The following NRXN1 variants were observed in gnomAD, a reference collection of about 807,000 sequenced individuals.
The protein encoded by NRXN1 is neurexin 1.
NRXN1 carries 39 observed loss-of-function variants against 150.9 expected under a neutral mutation model. The ratio of observed to expected loss-of-function variants is 0.26; its 90% CI spans 0.20 to 0.34. NRXN1 has a LOEUF of 0.34. NRXN1 is among the 10% of genes least tolerant of loss of function. NRXN1 has a pLI of 1.00. For synonymous variants in NRXN1, 924 were observed against 757.0 expected (o/e 1.22, Z -3.62); for missense variants, 1,815 against 1,949.9 (o/e 0.93, Z 1.30).
intron 17 of NRXN1, among the ~76,000 whole-genome samples, chr2:50,453,899 CA>C (rs1255478030): frequency 6.6e-6 from 1 of 152,118 alleles, no homozygotes; most frequent in Non-Finnish European, 1.5e-5. Flanking sequence ...TAAAAAAGAT[CA>C]AATAAGTATT....
chr2:51,029,507 T>C (rs537673558), intron 1 of NRXN1, among the ~76,000 whole-genome samples: 2 of 152,360 alleles, frequency 1.3e-5, no homozygotes, highest in African/African-American at 4.8e-5. Context: ...TTTTAAAATA[T>C]GTGAGGGGAG....
chr2:50,407,636 G>A (rs1469891463), intron 17 of NRXN1, among the ~76,000 whole-genome samples: 1 of 152,014 alleles, frequency 6.6e-6, no homozygotes, highest in Admixed American at 6.6e-5. Context: ...TCATGGGAGT[G>A]GGGGTGGTAG....
chr2:50,082,305 GT>G (rs971748764), intron 19 of NRXN1, among the ~76,000 whole-genome samples: 3 of 152,154 alleles, frequency 2.0e-5, no homozygotes, highest in African/African-American at 7.2e-5. Context: ...GCTATTCTCT[GT>G]TTAACGTGAC....
intron 2 of NRXN1, among the ~76,000 whole-genome samples, chr2:51,010,108 A>G (rs1667610495): frequency 6.6e-6 from 1 of 151,980 alleles, no homozygotes; most frequent in Non-Finnish European, 1.5e-5. Context: ...GGAAAGTCAT[A>G]TAATGGGTCT....
At chr2:50,597,226 G>C (rs1675391389) in intron 8 of NRXN1, among the ~76,000 whole-genome samples, 3 of 152,020 alleles carry the variant, frequency 2.0e-5, no homozygotes, top group South Asian at 2.1e-4. Flanking sequence ...CTTTAGTTGG[G>C]TCTCTGTTAT....
chr2:50,939,501 G>T (rs1471116991), intron 2 of NRXN1, among the ~76,000 whole-genome samples: 1 of 151,706 alleles, frequency 6.6e-6, no homozygotes, highest in Non-Finnish European at 1.5e-5. Flanking sequence ...TATTGGATAG[G>T]ATGCAAATAT....
At chr2:49,986,303 G>A (rs1419125893) in intron 21 of NRXN1, among the ~76,000 whole-genome samples, 3 of 152,072 alleles carry the variant, frequency 2.0e-5, no homozygotes, top group African/African-American at 7.2e-5. Context: ...TACATATGTG[G>A]ATATTTACTC....
chr2:50,363,154 G>A (rs2079343313), intron 17 of NRXN1, among the ~76,000 whole-genome samples: 1 of 152,076 alleles, frequency 6.6e-6, no homozygotes. Flanking sequence ...GAAAACCTAG[G>A]CAATAACATT....
intron 21 of NRXN1, among the ~76,000 whole-genome samples, chr2:49,988,804 G>A (rs1365408608): frequency 1.3e-5 from 2 of 152,130 alleles, no homozygotes; most frequent in Admixed American, 6.5e-5. Flanking sequence ...GTGCATTGAT[G>A]CAATTATGTA....
chr2:49,930,813 C>G (rs1669993617), intron 22 of NRXN1, among the ~76,000 whole-genome samples: 1 of 152,106 alleles, frequency 6.6e-6, no homozygotes, highest in African/African-American at 2.4e-5. Flanking sequence ...GATAAATTTT[C>G]AAGGGTAAAC....
intron 5 of NRXN1, among the ~76,000 whole-genome samples, chr2:50,908,194 G>C (rs1428156999): frequency 1.3e-5 from 2 of 152,008 alleles, no homozygotes; most frequent in Non-Finnish European, 2.9e-5. Flanking sequence ...GAATAGTAAT[G>C]TTTCATGTTT....
chr2:50,292,802 T>A (rs1030439547), intron 17 of NRXN1, among the ~76,000 whole-genome samples: 2 of 152,148 alleles, frequency 1.3e-5, no homozygotes, highest in African/African-American at 4.8e-5. Context: ...CTTTTTAAAT[T>A]ATCTTTTAAA....
intron 5 of NRXN1, among the ~76,000 whole-genome samples, chr2:50,893,274 T>G (rs1408369476): frequency 6.6e-6 from 1 of 152,210 alleles, no homozygotes; most frequent in Non-Finnish European, 1.5e-5. Context: ...AATACATTAT[T>G]AAAACTCTTT....
rs541996941 is a variant in NRXN1 at position 50,194,352 on chromosome 2, A to G, written c.3546+42437T>C. On this transcript the variant is annotated intron_variant, in intron 18 of 22. Transcript: ENST00000401669. ...GGCTATTTATATGAGCATTCTCTTA[A>G]TGCTTTACTATATTATGAACTGACC... Among the ~76,000 whole-genome samples, 6 of 152,276 alleles carry G rather than the reference A, an allele frequency of 3.9e-5. No individual in the cohort carries two copies. The East Asian group carries it at 1.2e-3, about 29-fold the overall frequency.
At chr2:50,205,568 T>A (rs1015022967) in intron 18 of NRXN1, among the ~76,000 whole-genome samples, 1 of 152,178 alleles carries the variant, frequency 6.6e-6, no homozygotes, top group South Asian at 2.1e-4. Context: ...TAAAATTCTA[T>A]GTTGTATAAG....
chr2:49,983,959 T>G (rs1444575706), intron 21 of NRXN1, among the ~76,000 whole-genome samples: 1 of 151,976 alleles, frequency 6.6e-6, no homozygotes, highest in East Asian at 1.9e-4. Flanking sequence ...GGCCAAGAGT[T>G]TGAGATCAGC....
chr2:50,359,609 G>A (rs1481324055), intron 17 of NRXN1, among the ~76,000 whole-genome samples: 1 of 151,978 alleles, frequency 6.6e-6, no homozygotes, highest in Non-Finnish European at 1.5e-5. Context: ...GGGATTATAT[G>A]AAAAGACCAA....
At chr2:50,054,440 A>G (rs964515800) in intron 20 of NRXN1, among the ~76,000 whole-genome samples, 1 of 152,294 alleles carries the variant, frequency 6.6e-6, no homozygotes, top group Admixed American at 6.5e-5. Context: ...CAGTTTTAAT[A>G]TGGGCTTGTT....
intron 21 of NRXN1, among the ~76,000 whole-genome samples, chr2:50,046,529 T>A (rs1344000408): frequency 6.6e-6 from 1 of 152,218 alleles, no homozygotes; most frequent in Non-Finnish European, 1.5e-5. Context: ...CTGTGACAGG[T>A]ACTTTGAACA....
Sources: allele counts gnomAD v4.1 joint callset (sites outside exome capture counted in the v4.1 genomes callset), GRCh38; gene constraint gnomAD v4.1.1; transcripts MANE v1.5; gene names NCBI Gene and HGNC (gene_info 2026-07-23, HGNC 2026-07-21).